The following GAD1 variants were observed in gnomAD, a reference collection of about 807,000 sequenced individuals.
GAD1 encodes the protein 67 kDa glutamic acid decarboxylase.
In GAD1, 35 loss-of-function variants were observed where a neutral mutation model predicts 75.2. That is an observed-to-expected ratio of 0.47 (90% confidence interval 0.36 to 0.62). The LOEUF is 0.62. Ranked by LOEUF, GAD1 falls within the 20% of genes least tolerant of loss-of-function variation. The pLI is 0.00. For missense variants in GAD1, 490 were observed against 758.5 expected (o/e 0.65, Z 4.16); for synonymous variants, 257 against 271.9 (o/e 0.95, Z 0.54).
rs1442140419 is a variant in GAD1, at chr2:170,831,210, G to A, written c.547+18G>A. On this transcript the variant is annotated intron_variant, in intron 5 of 16. Coordinates refer to ENST00000358196, the MANE Select transcript of GAD1 (RefSeq NM_000817.3). ...TCGCACAGGTAAGGAGGAGAGTTGGGTAGACAGGTAGTGGCAACTTTGCCC... is the reference window on the plus strand; with the variant it reads ...TCGCACAGGTAAGGAGGAGAGTTGGATAGACAGGTAGTGGCAACTTTGCCC... 1 of 1,613,736 alleles carries A rather than the reference G, an allele frequency of 6.2e-7. No individual in the cohort carries two copies. The highest frequency in any genetic ancestry group is 8.5e-7 in the Non-Finnish European group (1 of 1,179,818).
In GAD1 at chr2:170,819,474, G is replaced by A. The variant is rs567080204; in HGVS notation, c.82+801G>A. The stretch of plus-strand genomic sequence containing the variant: ...AAAGAGAGAAAGAAAAGAGACACCA[G>A]ATAAAAGAGGGGGGAGGATTTATGC... On this transcript the variant is annotated intron_variant, in intron 2 of 16. Coordinates refer to ENST00000358196, the MANE Select transcript of GAD1 (RefSeq NM_000817.3). 2.0e-5 allele frequency among the ~76,000 whole-genome samples: 3 copies of A among 152,138 alleles called. No individual in the cohort carries two copies. The East Asian group carries it at 5.8e-4, about 29-fold the overall frequency.
chr2:170,844,121 T>A lies in GAD1; in HGVS notation c.715T>A (p.Trp239Arg). 6.2e-7 allele frequency: 1 copy of A among 1,608,466 alleles called. No homozygotes were observed. Among genetic ancestry groups the A allele is most frequent in the Non-Finnish European group, 8.5e-7 (1 of 1,174,866 alleles). The change falls in exon 7 of 17, where the codon TGG becomes AGG. Residue 239 changes from tryptophan (W) to arginine (R), a missense_variant. By Grantham distance (101) the Trp-to-Arg change is moderately radical. Transcript: ENST00000358196. ...TAAGAAGATGAGAGAGATAGTTGGATGGTCAAGTAAAGATGGTGATGGGAT... is the reference window on the plus strand; with the variant it reads ...TAAGAAGATGAGAGAGATAGTTGGAAGGTCAAGTAAAGATGGTGATGGGAT... ...TLKKMREIVG[W>R]SSKDGDGIFS...
rs186477656 is a variant in GAD1 at position 170,819,629 on chromosome 2, T to A, written c.82+956T>A. Among the ~76,000 whole-genome samples, 605 of 152,158 alleles carry A rather than the reference T, an allele frequency of 4.0e-3. 1 individual carries two copies. Among genetic ancestry groups the A allele is most frequent in the Non-Finnish European group, 6.5e-3 (445 of 68,002 alleles). ...TTTTCCTTGTTGGAGTGAAGAAGTG[T>A]CTCCTGACCCCACCCCCCTAAAAAA... On this transcript the variant is annotated intron_variant, in intron 2 of 16. Coordinates refer to ENST00000358196, the MANE Select transcript of GAD1 (RefSeq NM_000817.3).
rs78300757 is a variant in GAD1 at position 170,826,682 on chromosome 2, A to G, written c.146-2793A>G. Among the ~76,000 whole-genome samples, 197 of 152,038 alleles carry G rather than the reference A, an allele frequency of 1.3e-3. 5 individuals are homozygous for G. The East Asian group carries it at 0.036, about 27-fold the overall frequency. On this transcript the variant is annotated intron_variant, in intron 3 of 16. Coordinates refer to ENST00000358196, the MANE Select transcript of GAD1 (RefSeq NM_000817.3). ...GAGTTTCTGCTTCCTGCAGCTGCCC[A>G]GAGGGAAGGGGCTTCAAGGTGGGGA...
chr2:170,818,309 G>T lies in GAD1; in HGVS notation c.-63-220G>T, dbSNP rs1250303331. The T allele has an allele frequency of 2.0e-6, 1 of 499,504 alleles. No homozygotes were observed. The highest frequency in any genetic ancestry group is 2.0e-5 in the African/African-American group (1 of 51,268). The allele number at this position is 499,504 out of a possible 1,614,324, so 30.9% of individuals were successfully genotyped here. On this transcript the variant is annotated intron_variant, in intron 1 of 16. Transcript: ENST00000358196. The surrounding 1 kb of genome is among the most constrained non-coding windows in gnomAD (Gnocchi z 5.9). ...ACCGCCAGACTCGAGAGCGGCCCAG[G>T]GCTACGCTCCCTGCGCCCCAGTACC...
intron 5 of GAD1, among the ~76,000 whole-genome samples, chr2:170,834,765 C>CA (rs1702327947): frequency 1.5e-5 from 2 of 135,270 alleles, no homozygotes; most frequent in African/African-American, 5.5e-5. Context: ...AATATTCATT[C>CA]TTTTTTTTTT....
intron 15 of GAD1, among the ~76,000 whole-genome samples, chr2:170,857,569 G>C (rs45501695): frequency 0.022 from 3,316 of 152,230 alleles, 93 homozygotes; most frequent in East Asian, 0.17. Context: ...AACATAGCAA[G>C]ACCCTGTCTC....
chr2:170,821,436 G>T (rs951226208), intron 2 of GAD1, among the ~76,000 whole-genome samples: 4 of 152,194 alleles, frequency 2.6e-5, no homozygotes, highest in African/African-American at 9.7e-5. Flanking sequence ...ATGAGGGGCA[G>T]GTTGGGAAGA....
intron 3 of GAD1, 148 bp downstream of exon 3, chr2:170,822,297 G>A (rs1222522861): frequency 9.5e-6 from 7 of 740,216 alleles, no homozygotes; most frequent in Non-Finnish European, 2.3e-6. Context: ...CAGCGACCAC[G>A]CTCCCCTACA....
At chr2:170,820,286 G>A (rs1186639070) in intron 2 of GAD1, among the ~76,000 whole-genome samples, 39 of 152,216 alleles carry the variant, frequency 2.6e-4, no homozygotes, top group Admixed American at 2.6e-3. Context: ...ACCGGTAGGA[G>A]ACACAACAGA....
At chr2:170,841,162 T>C (rs1575439329) in intron 6 of GAD1, among the ~76,000 whole-genome samples, 3 of 152,354 alleles carry the variant, frequency 2.0e-5, no homozygotes, top group Admixed American at 2.0e-4. Flanking sequence ...GACTCTGAAA[T>C]GTAATCTTGT....
Position 170,858,601 on chromosome 2 carries a change from G to A in GAD1, c.1522-203G>A, listed in dbSNP as rs573149558. Among the ~76,000 whole-genome samples, 4 of 152,304 alleles carry A rather than the reference G, an allele frequency of 2.6e-5. No homozygotes were observed. In the South Asian group the frequency reaches 8.3e-4, roughly 32 times the overall value. On this transcript the variant is annotated intron_variant, in intron 15 of 16. Transcript: ENST00000358196. ...ACTTTAGTTACCTAGAAAATTGGTT[G>A]TAGGGAACAGCTCTCTTGCCACATA...
intron 4 of GAD1, among the ~76,000 whole-genome samples, chr2:170,830,128 C>T (rs913378380): frequency 6.6e-6 from 1 of 152,202 alleles, no homozygotes; most frequent in Non-Finnish European, 1.5e-5. Context: ...ACCAGTCTCT[C>T]CCAAACAGCT....
At chr2:170,815,885 C>G (rs3762555), upstream of GAD1, among the ~76,000 whole-genome samples, 106,264 of 152,174 alleles carry the variant, frequency 0.7, 37,859 homozygotes, top group Non-Finnish European at 0.77. Flanking sequence ...AGGGCCTCTC[C>G]GTCTCTGGGC....
At chr2:170,851,042 G>A in intron 12 of GAD1, among the ~76,000 whole-genome samples, 1 of 151,816 alleles carries the variant, frequency 6.6e-6, no homozygotes. Flanking sequence ...AAAGAACTGT[G>A]GATGAGCCAG....
At chr2:170,839,341 G>A (rs1402724859) in intron 6 of GAD1, among the ~76,000 whole-genome samples, 1 of 152,208 alleles carries the variant, frequency 6.6e-6, no homozygotes, top group East Asian at 1.9e-4. Context: ...TAGGTTGGGT[G>A]TGGTGGCTCA....
chr2:170,820,873 T>C (rs1701858731), intron 2 of GAD1, among the ~76,000 whole-genome samples: 1 of 152,230 alleles, frequency 6.6e-6, no homozygotes, highest in African/African-American at 2.4e-5. Context: ...TTCATAGGAC[T>C]GTTACGAGAA....
chr2:170,860,161 T>A lies in GAD1; in HGVS notation c.*279T>A, dbSNP rs1475363504. ...ATAGTGAGTGTGGCTTAGTAATAGA[T>A]CACGGCATGTTTCCCGCTCCAAGAG... On this transcript the variant is annotated 3_prime_UTR_variant, in exon 17 of 17. Coordinates refer to ENST00000358196, the MANE Select transcript of GAD1 (RefSeq NM_000817.3). 2 of 358,750 alleles carry A rather than the reference T, an allele frequency of 5.6e-6. No individual in the cohort carries two copies. Among genetic ancestry groups the A allele is most frequent in the Non-Finnish European group, 1.0e-5 (2 of 192,884 alleles). 22.2% of individuals were successfully genotyped at this position (358,750 alleles called of 1,614,324 possible). A position where few individuals can be genotyped will look rare whatever the true frequency, so the allele number is the denominator to read the frequency against.
chr2:170,813,232 G>GT (rs1432381887), upstream of GAD1: 1 of 152,258 alleles, frequency 6.6e-6, no homozygotes, highest in Non-Finnish European at 1.5e-5. Context: ...CCTCCCAGCT[G>GT]TGAGTGTTGT....
Sources: gnomAD v4.1 joint callset for allele counts (sites outside exome capture counted in the v4.1 genomes callset) on GRCh38, gnomAD v4.1.1 for gene constraint, Gnocchi (gnomAD v3.1) non-coding constraint, MANE v1.5 for transcripts, NCBI Gene and HGNC (gene_info 2026-07-23, HGNC 2026-07-21) for gene names.